PCDHA7: variants seen among roughly 807,000 people sequenced by gnomAD.
PCDHA7 encodes protocadherin alpha-7.
In PCDHA7, 37 loss-of-function variants were observed where a neutral mutation model predicts 57.2. That is an observed-to-expected ratio of 0.65 (90% CI 0.50 to 0.85). The LOEUF is 0.85. Ranked by LOEUF, PCDHA7 falls within the 40% of genes least tolerant of loss-of-function variation. The probability of loss-of-function intolerance (pLI) is 0.00; values close to 1 mark genes in which losing one functional copy is unlikely to be tolerated. For missense variants in PCDHA7, 1,188 were observed against 1,241.8 expected (o/e 0.96, Z 0.65); for synonymous variants, 553 against 558.8 (o/e 0.99, Z 0.15).
chr5:140,927,702 C>T (rs533775539), intron 1 of PCDHA7: 2 of 1,614,210 alleles, frequency 1.2e-6, no homozygotes, highest in South Asian at 1.1e-5. Flanking sequence ...AAGTCCAGTA[C>T]TCCCTAAGCA....
At chr5:140,914,562 C>A (rs2076761052) in intron 1 of PCDHA7, among the ~76,000 whole-genome samples, 1 of 152,190 alleles carries the variant, frequency 6.6e-6, no homozygotes, top group East Asian at 1.9e-4. Flanking sequence ...AGAGTTTAGT[C>A]CATTTACATT....
chr5:140,928,645 G>A (rs782494285), intron 1 of PCDHA7: 4 of 1,614,084 alleles, frequency 2.5e-6, no homozygotes, highest in Non-Finnish European at 2.5e-6. Context: ...AAAAGTGGTA[G>A]CAGAGGATGC....
At chr5:140,942,160 A>G (rs782205493) in intron 1 of PCDHA7, among the ~76,000 whole-genome samples, 11 of 152,218 alleles carry the variant, frequency 7.2e-5, no homozygotes, top group Non-Finnish European at 1.5e-4. Context: ...AACAGCTTCC[A>G]TATTTCTCTA....
chr5:140,893,040 C>A (rs1554185508), intron 1 of PCDHA7, among the ~76,000 whole-genome samples: 1 of 152,226 alleles, frequency 6.6e-6, no homozygotes, highest in African/African-American at 2.4e-5. Flanking sequence ...AACATATGCC[C>A]TCCAGGCTCA....
chr5:140,897,949 G>A (rs2066421771), intron 1 of PCDHA7, among the ~76,000 whole-genome samples: 2 of 152,308 alleles, frequency 1.3e-5, no homozygotes, highest in African/African-American at 2.4e-5. Context: ...GTGATGATTA[G>A]CATTTTTTCA....
chr5:140,885,819 A>G (rs1488283542), intron 1 of PCDHA7, among the ~76,000 whole-genome samples: 1 of 152,032 alleles, frequency 6.6e-6, no homozygotes, highest in Non-Finnish European at 1.5e-5. Flanking sequence ...TTTGTATTTG[A>G]TCTTCTTTGA....
intron 1 of PCDHA7, chr5:140,875,592 A>G: frequency 6.2e-7 from 1 of 1,613,992 alleles, no homozygotes; most frequent in Non-Finnish European, 8.5e-7. Flanking sequence ...AGGAGGCCAA[A>G]CACGGCACCT....
At chr5:140,913,993 G>A (rs2076550293) in intron 1 of PCDHA7, among the ~76,000 whole-genome samples, 2 of 152,040 alleles carry the variant, frequency 1.3e-5, no homozygotes, top group South Asian at 4.2e-4. Flanking sequence ...ATTGTGACTA[G>A]CATATGGTCT....
chr5:140,954,433 T>C (rs1554221415), intron 1 of PCDHA7, among the ~76,000 whole-genome samples: 2 of 151,820 alleles, frequency 1.3e-5, no homozygotes, highest in African/African-American at 4.8e-5. Flanking sequence ...TCTCCATCTG[T>C]TGTTTCTGGA....
chr5:140,967,379 A>G (rs1554229509), intron 1 of PCDHA7: 2 of 1,608,268 alleles, frequency 1.2e-6, no homozygotes, highest in East Asian at 2.2e-5. Flanking sequence ...GGAGAACAGT[A>G]AAGTGCTTGA....
chr5:140,841,346 C>T, intron 1 of PCDHA7: 1 of 1,612,554 alleles, frequency 6.2e-7, no homozygotes, highest in Non-Finnish European at 8.5e-7. Context: ...GCGAGGAGAG[C>T]TGGGATCCTG....
At chr5:140,855,106 T>C (rs1554147619) in intron 1 of PCDHA7, among the ~76,000 whole-genome samples, 1 of 149,974 alleles carries the variant, frequency 6.7e-6, no homozygotes, top group Non-Finnish European at 1.5e-5. Flanking sequence ...GTAGCAATAA[T>C]TAAGGCATTC....
chr5:140,858,401 G>T (rs2045390262), intron 1 of PCDHA7: 2 of 1,572,406 alleles, frequency 1.3e-6, no homozygotes, highest in Admixed American at 1.8e-5. Flanking sequence ...TGTGGACGGG[G>T]AAGATCAGTC....
chr5:140,849,674 C>G (rs138948867), intron 1 of PCDHA7: 2 of 1,598,596 alleles, frequency 1.3e-6, no homozygotes, highest in African/African-American at 2.7e-5. Flanking sequence ...CGCCCCACGT[C>G]CCCTTCAAGC....
chr5:140,879,337 G>A (rs251379), intron 1 of PCDHA7, among the ~76,000 whole-genome samples: 101,683 of 152,024 alleles, frequency 0.67, 34,216 homozygotes, highest in Middle Eastern at 0.71. Flanking sequence ...AGTTTGTTCA[G>A]CTGAGAAGAT....
Position 140,835,189 on chromosome 5 carries a change from T to C in PCDHA7, c.806T>C (p.Leu269Ser). 1.3e-6 allele frequency: 2 copies of C among 1,537,800 alleles called. No individual in the cohort carries two copies. Among genetic ancestry groups the C allele is most frequent in the Non-Finnish European group, 8.8e-7 (1 of 1,136,354 alleles). The change falls in exon 1 of 4, where the codon TTA becomes TCA. Residue 269 changes from leucine (L) to serine (S), a missense_variant. This residue lies in a region of PCDHA7 where 102 missense variants were observed against 267.4 expected (regional missense o/e 0.38). Transcript: ENST00000525929. ...TLVIHPNASD[L>S]DEGLNGDIIY... ...GTGATTCACCCCAATGCCTCAGATT[T>C]AGACGAAGGCTTGAATGGGGATATT...
intron 1 of PCDHA7, among the ~76,000 whole-genome samples, chr5:140,975,516 G>A (rs1310855349): frequency 6.6e-6 from 1 of 152,284 alleles, no homozygotes; most frequent in South Asian, 2.1e-4. Flanking sequence ...TGCAAAATCT[G>A]CAGTGGATAT....
chr5:140,853,241 T>C (rs1032355023), intron 1 of PCDHA7: 4 of 978,568 alleles, frequency 4.1e-6, no homozygotes, highest in Admixed American at 6.3e-5. Context: ...TCCTTCATAT[T>C]AATCTCTATT....
intron 1 of PCDHA7, chr5:140,856,717 A>T: frequency 6.3e-7 from 1 of 1,596,480 alleles, no homozygotes; most frequent in Non-Finnish European, 8.6e-7. Flanking sequence ...AATTTACCGG[A>T]TCTGTTTCTC....
Sources: gnomAD v4.1 joint callset for allele counts (sites outside exome capture counted in the v4.1 genomes callset) on GRCh38, gnomAD v4.1.1 for gene constraint, gnomAD v4.1.1 regional missense constraint, MANE v1.5 for transcripts, NCBI Gene and HGNC (gene_info 2026-07-23, HGNC 2026-07-21) for gene names.